Variants in TCERG1L observed in about 807,000 individuals in gnomAD.
The protein encoded by TCERG1L is transcription elongation regulator 1 like.
TCERG1L carries 37 observed loss-of-function variants against 56.3 expected under a neutral mutation model. That is an observed-to-expected ratio of 0.66 (90% CI 0.51 to 0.87). TCERG1L has a LOEUF of 0.87. Among genes scored for constraint, TCERG1L ranks in the 40% least tolerant of loss-of-function variants. The pLI, the probability that TCERG1L is intolerant of heterozygous loss-of-function variation, is 0.00. For missense variants in TCERG1L, 799 were observed against 774.2 expected, an observed-to-expected ratio of 1.03 and a Z score of -0.38; for synonymous variants, 324 against 326.3, an observed-to-expected ratio of 0.99 and a Z score of 0.08.
At chr10:131,244,775 G>A (rs568563287) in intron 4 of TCERG1L, among the ~76,000 whole-genome samples, 6 of 152,240 alleles carry the variant, frequency 3.9e-5, no homozygotes, top group East Asian at 3.9e-4. Context: ...AGTCACCTGC[G>A]CACTTTCAAC....
chr10:131,206,322 C>A (rs945140060), intron 4 of TCERG1L, among the ~76,000 whole-genome samples: 3 of 152,130 alleles, frequency 2.0e-5, no homozygotes, highest in Non-Finnish European at 4.4e-5. Context: ...CCGGGACACA[C>A]CCTCCAAGGG....
At chr10:131,182,498 G>A (rs188748263) in intron 4 of TCERG1L, among the ~76,000 whole-genome samples, 3 of 152,350 alleles carry the variant, frequency 2.0e-5, no homozygotes, top group East Asian at 1.9e-4. Flanking sequence ...CCATCTGCAT[G>A]ATTTAAATGA....
intron 4 of TCERG1L, among the ~76,000 whole-genome samples, chr10:131,218,223 A>G (rs567485654): frequency 2.6e-5 from 4 of 152,258 alleles, no homozygotes; most frequent in South Asian, 2.1e-4. Flanking sequence ...ATATTTCTAC[A>G]TAGAGTACCG....
At chr10:131,193,761 A>G (rs1845328931) in intron 4 of TCERG1L, among the ~76,000 whole-genome samples, 1 of 152,234 alleles carries the variant, frequency 6.6e-6, no homozygotes, top group Non-Finnish European at 1.5e-5. Context: ...TGTAATTTGA[A>G]GTCAGGTAAT....
intron 3 of TCERG1L, among the ~76,000 whole-genome samples, chr10:131,306,300 A>G (rs1846817686): frequency 6.6e-6 from 1 of 152,180 alleles, no homozygotes; most frequent in Non-Finnish European, 1.5e-5. Context: ...AGCAACTCAG[A>G]AATTACCATC....
intron 7 of TCERG1L, among the ~76,000 whole-genome samples, chr10:131,145,550 T>C (rs1269871330): frequency 6.6e-6 from 1 of 152,256 alleles, no homozygotes; most frequent in Non-Finnish European, 1.5e-5. Flanking sequence ...CCATGTCTCT[T>C]AGCATGGTTA....
At chr10:131,237,418 G>A (rs1845924166) in intron 4 of TCERG1L, among the ~76,000 whole-genome samples, 1 of 152,118 alleles carries the variant, frequency 6.6e-6, no homozygotes, top group Non-Finnish European at 1.5e-5. Flanking sequence ...AGAGATTTTT[G>A]TTTCTCAAGA....
intron 6 of TCERG1L, chr10:131,161,400 C>G (rs1444585067): frequency 6.6e-6 from 1 of 152,238 alleles, no homozygotes; most frequent in Non-Finnish European, 1.5e-5. Flanking sequence ...AGAATATACC[C>G]CTGTCGTTAA....
intron 9 of TCERG1L, among the ~76,000 whole-genome samples, chr10:131,110,819 G>A (rs1183385199): frequency 1.0e-5 from 1 of 98,518 alleles, no homozygotes; most frequent in African/African-American, 3.0e-5. Context: ...AAGTGGCTGA[G>A]AGCTCGAGGA....
chr10:131,142,885 G>C (rs1845753913), intron 7 of TCERG1L, among the ~76,000 whole-genome samples: 1 of 152,208 alleles, frequency 6.6e-6, no homozygotes, highest in African/African-American at 2.4e-5. Context: ...TTGCTAAACA[G>C]CTCCCCTTGA....
chr10:131,281,316 C>T (rs1007451884), intron 3 of TCERG1L, among the ~76,000 whole-genome samples: 2 of 152,102 alleles, frequency 1.3e-5, no homozygotes, highest in African/African-American at 4.8e-5. Context: ...GCCCTCTGAG[C>T]GTGTCCACCG....
At chr10:131,115,526 C>T (rs572938704) in intron 9 of TCERG1L, among the ~76,000 whole-genome samples, 1 of 152,276 alleles carries the variant, frequency 6.6e-6, no homozygotes, top group Non-Finnish European at 1.5e-5. Flanking sequence ...CGCGCGTCCA[C>T]GTCGCGCTCT....
At chr10:131,297,536 C>T (rs1264208458) in intron 3 of TCERG1L, among the ~76,000 whole-genome samples, 1 of 152,128 alleles carries the variant, frequency 6.6e-6, no homozygotes, top group African/African-American at 2.4e-5. Context: ...CTGCTATTTT[C>T]TCTCTGTAAT....
At position 131,118,119 on chromosome 10, in the gene TCERG1L, C is replaced by T. The variant is rs181003405; in HGVS notation, c.1260-1185G>A. On this transcript the variant is annotated intron_variant, in intron 8 of 11. Coordinates refer to ENST00000368642, the MANE Select transcript of TCERG1L (RefSeq NM_174937.4). The surrounding 1 kb of genome is among the most constrained non-coding windows in gnomAD (Gnocchi z 4.2). ...CTGGCCCTGCTCCCACACCTGCCCA[C>T]GGCATCAGACCACCCATTTGAGAGC... Among the ~76,000 whole-genome samples, 343 of 152,316 alleles carry T rather than the reference C, an allele frequency of 2.3e-3. 3 individuals are homozygous for T. The highest frequency in any genetic ancestry group is 0.021 in the South Asian group (102 of 4,826).
intron 8 of TCERG1L, among the ~76,000 whole-genome samples, chr10:131,127,822 C>G (rs1845578699): frequency 6.6e-6 from 1 of 152,086 alleles, no homozygotes; most frequent in Admixed American, 6.5e-5. Flanking sequence ...GGGGCCACTG[C>G]TCTTGTCACC....
Position 131,128,306 on chromosome 10 carries a change from A to C in TCERG1L, c.1259+6073T>G, listed in dbSNP as rs1039893592. Among the ~76,000 whole-genome samples the C allele has an allele frequency of 6.6e-5, 10 of 152,208 alleles. 1 individual carries two copies. Among genetic ancestry groups the C allele is most frequent in the African/African-American group, 2.4e-4 (10 of 41,448 alleles). ...CGTGCAAAGGAGGCGACCCAGGAGG[A>C]AGCCGAGGGAGAACCAAACAGTTCA... On this transcript the variant is annotated intron_variant, in intron 8 of 11. Transcript: ENST00000368642.
At chr10:131,176,532 A>G (rs1015096147) in intron 4 of TCERG1L, among the ~76,000 whole-genome samples, 1 of 151,010 alleles carries the variant, frequency 6.6e-6, no homozygotes, top group Non-Finnish European at 1.5e-5. Context: ...ACACACAAAC[A>G]CGTGTACACC....
chr10:131,308,831 G>A (rs1052558319), intron 2 of TCERG1L, among the ~76,000 whole-genome samples: 2 of 152,006 alleles, frequency 1.3e-5, no homozygotes, highest in African/African-American at 2.4e-5. Context: ...AACTTCAACT[G>A]GTATTGTGTA....
In TCERG1L at chr10:131,309,261, G is replaced by C; in HGVS notation, c.381C>G (p.Pro127=). The C allele has an allele frequency of 6.2e-7, 1 of 1,603,758 alleles. No homozygotes were observed. Among genetic ancestry groups the C allele is most frequent in the African/African-American group, 1.3e-5 (1 of 74,124 alleles). The stretch of plus-strand genomic sequence containing the variant: ...GCACCAGCTCCACTGTGGAAGAGGG[G>C]GGCAGTCCTAGGGACGGAGAATGGC... The part of the protein sequence containing the change: ...FGGHSPSLGL[P]PSSTVELVPV... Residue 127 remains proline (P), a synonymous_variant, in exon 2 of 12, where the codon CCC becomes CCG. Coordinates refer to ENST00000368642, the MANE Select transcript of TCERG1L (RefSeq NM_174937.4).
Sources: gnomAD v4.1 joint callset for allele counts (sites outside exome capture counted in the v4.1 genomes callset) on GRCh38, gnomAD v4.1.1 for gene constraint, Gnocchi (gnomAD v3.1) non-coding constraint, MANE v1.5 for transcripts, NCBI Gene and HGNC (gene_info 2026-07-23, HGNC 2026-07-21) for gene names.